The following TRANK1 variants were observed in gnomAD, a reference collection of about 807,000 sequenced individuals.
The protein encoded by TRANK1 is tetratricopeptide repeat and ankyrin repeat containing 1.
A neutral mutation model predicts 266.0 loss-of-function variants in TRANK1; 198 were observed. That is an observed-to-expected ratio of 0.74 (90% confidence interval 0.66 to 0.84). TRANK1 has a LOEUF of 0.84. Ranked by LOEUF, TRANK1 falls within the 40% of genes least tolerant of loss-of-function variation. The probability of loss-of-function intolerance (pLI) is 0.00; values close to 1 mark genes in which losing one functional copy is unlikely to be tolerated. For synonymous variants in TRANK1, 1,396 were observed against 1,384.1 expected (o/e 1.01, Z -0.19); for missense variants, 3,326 against 3,634.6 (o/e 0.92, Z 2.18).
At chr3:36,889,481 C>G in intron 8 of TRANK1, among the ~76,000 whole-genome samples, 1 of 152,152 alleles carries the variant, frequency 6.6e-6, no homozygotes. Flanking sequence ...CAATTCCTCT[C>G]TACCAGCTAA....
chr3:36,835,005 C>A, intron 20 of TRANK1, 98 bp from the exon 21 acceptor site: 1 of 1,241,194 alleles, frequency 8.1e-7, no homozygotes, highest in Admixed American at 3.0e-5. Flanking sequence ...AGTCATATGT[C>A]TGCTTTCTGT....
intron 9 of TRANK1, among the ~76,000 whole-genome samples, chr3:36,866,429 T>C (rs1378620716): frequency 6.6e-6 from 1 of 152,124 alleles, no homozygotes; most frequent in Non-Finnish European, 1.5e-5. Flanking sequence ...CCACAAGTAG[T>C]TTATTAAGGA....
At position 36,830,880 on chromosome 3, in the gene TRANK1, C is replaced by G; in HGVS notation, c.8703G>C (p.Trp2901Cys). The G allele has an allele frequency of 1.9e-6, 3 of 1,602,726 alleles. No individual in the cohort carries two copies. The highest frequency in any genetic ancestry group is 2.6e-6 in the Non-Finnish European group (3 of 1,172,428). ...MVEDLYRRKA[W>C]AGAEEAMTRL... ...ATCTCTGCAGACCCTTACCGCCAGC[C>G]CAGGCCTTCCGCCTGTAGAGGTCCT... Residue 2901 changes from tryptophan (W) to cysteine (C), a missense_variant, in exon 22 of 24, where the codon TGG becomes TGC. Trp to Cys is a radical substitution (Grantham distance 215, BLOSUM62 -2). Transcript: ENST00000645898.
At position 36,831,952 on chromosome 3, in the gene TRANK1, A is replaced by G. The variant is rs775549725; in HGVS notation, c.7631T>C (p.Leu2544Pro). ...GTCTATTTCACTGAAGGCATCAAGC[A>G]GGACGTTGAAGTTCACATTCTCATA... ...CGYENVNFNV[L>P]LDAFSEIDYV... is the part of the protein sequence containing the mutation. Residue 2544 changes from leucine to proline, a missense_variant, in exon 22 of 24, where the codon CTG becomes CCG. Physicochemically the swap from Leu to Pro is moderately conservative, Grantham distance 98. Transcript: ENST00000645898. The surrounding 1 kb of genome is among the most constrained non-coding windows in gnomAD (Gnocchi z 5.0). 1 of 1,614,062 alleles carries G rather than the reference A, an allele frequency of 6.2e-7. No individual in the cohort carries two copies. The highest frequency in any genetic ancestry group is 1.1e-5 in the South Asian group (1 of 91,082).
At chr3:36,841,881 CTTG>C (rs1403937473) in intron 18 of TRANK1, among the ~76,000 whole-genome samples, 1 of 146,900 alleles carries the variant, frequency 6.8e-6, no homozygotes, top group Non-Finnish European at 1.5e-5. Context: ...TAAGACCTGA[CTTG>C]TTGTTATTAG....
intron 1 of TRANK1, among the ~76,000 whole-genome samples, chr3:36,917,947 T>G (rs538033109): frequency 6.6e-6 from 1 of 152,252 alleles, no homozygotes; most frequent in East Asian, 1.9e-4. Context: ...AAAAAATGCT[T>G]GAGTAACACT....
intron 1 of TRANK1, among the ~76,000 whole-genome samples, chr3:36,918,647 AAGAG>A (rs1264749006): frequency 5.4e-5 from 8 of 148,822 alleles, no homozygotes; most frequent in African/African-American, 9.9e-5. Flanking sequence ...AAGAGAAAGA[AAGAG>A]AGAGAGAGAA....
intron 8 of TRANK1, chr3:36,880,239 A>G (rs2079511431): frequency 4.0e-6 from 1 of 252,258 alleles, no homozygotes; most frequent in Non-Finnish European, 8.7e-6. Flanking sequence ...AGCAATTACA[A>G]TTTAAGGACC....
At chr3:36,846,526 C>T (rs1049163843) in intron 16 of TRANK1, 122 bp from the exon 17 acceptor site, 9 of 955,858 alleles carry the variant, frequency 9.4e-6, no homozygotes, top group Non-Finnish European at 1.2e-5. Context: ...AGAAGCATAG[C>T]ACAGCTGAGA....
chr3:36,851,953 T>C, intron 14 of TRANK1, 97 bp from the exon 15 acceptor site: 1 of 1,459,386 alleles, frequency 6.9e-7, no homozygotes, highest in African/African-American at 1.4e-5. Context: ...TAAAGAGAAA[T>C]GGCCAGCATA....
chr3:36,931,116 CTGCATACATTGGA>C (rs1411818710), intron 1 of TRANK1, among the ~76,000 whole-genome samples: 3 of 152,284 alleles, frequency 2.0e-5, no homozygotes, highest in Non-Finnish European at 4.4e-5. Context: ...TACAGACTGA[CTGCATACATTGGA>C]AATGGCAAAT....
chr3:36,915,352 T>C (rs2080110300), intron 1 of TRANK1, among the ~76,000 whole-genome samples: 1 of 152,260 alleles, frequency 6.6e-6, no homozygotes, highest in African/African-American at 2.4e-5. Context: ...GTATGTAGCA[T>C]ATCCATCATC....
At chr3:36,930,553 C>T (rs1467166873) in intron 1 of TRANK1, among the ~76,000 whole-genome samples, 1 of 152,136 alleles carries the variant, frequency 6.6e-6, no homozygotes, top group African/African-American at 2.4e-5. Flanking sequence ...AACTAATATA[C>T]ATCATACACC....
intron 1 of TRANK1, among the ~76,000 whole-genome samples, chr3:36,934,261 T>C (rs942221593): frequency 2.6e-5 from 4 of 152,168 alleles, no homozygotes; most frequent in South Asian, 2.1e-4. Context: ...CCTTACTTCC[T>C]ACCCTGAGAA....
chr3:36,852,785 A>C (rs2079002460), intron 13 of TRANK1, among the ~76,000 whole-genome samples: 1 of 151,480 alleles, frequency 6.6e-6, no homozygotes, highest in African/African-American at 2.4e-5. Context: ...TAAAAAAAAA[A>C]AAAAAAAAAA....
intron 9 of TRANK1, among the ~76,000 whole-genome samples, chr3:36,873,137 T>C (rs1283997487): frequency 1.3e-5 from 2 of 152,204 alleles, no homozygotes; most frequent in African/African-American, 4.8e-5. Flanking sequence ...ATTTCAAAGA[T>C]GTTAAAATTG....
chr3:36,936,503 A>G (rs951890659), intron 1 of TRANK1, among the ~76,000 whole-genome samples: 4 of 152,180 alleles, frequency 2.6e-5, no homozygotes, highest in Admixed American at 6.5e-5. Context: ...AAGAAAAAAA[A>G]AAAAGGAAAT....
intron 2 of TRANK1, among the ~76,000 whole-genome samples, chr3:36,906,871 A>T (rs931392210): frequency 2.0e-5 from 3 of 152,230 alleles, no homozygotes; most frequent in African/African-American, 7.2e-5. Flanking sequence ...GTATTGCTTT[A>T]AGCCCTAAAT....
At chr3:36,909,097 C>A (rs1160408647) in intron 1 of TRANK1, among the ~76,000 whole-genome samples, 1 of 152,308 alleles carries the variant, frequency 6.6e-6, no homozygotes, top group Admixed American at 6.5e-5. Context: ...CCCCTCCTTT[C>A]TTAAAACACT....
Sources: allele counts gnomAD v4.1 joint callset (sites outside exome capture counted in the v4.1 genomes callset), GRCh38; gene constraint gnomAD v4.1.1; non-coding constraint Gnocchi (gnomAD v3.1); transcripts MANE v1.5; gene names NCBI Gene and HGNC (gene_info 2026-07-23, HGNC 2026-07-21).